COL24A1: variants seen among roughly 807,000 people sequenced by gnomAD.
COL24A1 encodes collagen type XXIV alpha 1 chain, also known as collagen alpha-1(XXIV) chain.
A neutral mutation model predicts 253.9 loss-of-function variants in COL24A1; 224 were observed. The observed-to-expected ratio is 0.88, with a 90% CI of 0.79 to 0.99. The LOEUF is 0.99. COL24A1 is among the 50% of genes least tolerant of loss of function. The pLI, the probability that COL24A1 is intolerant of heterozygous loss-of-function variation, is 0.00. For missense variants in COL24A1, 2,131 were observed against 2,068.5 expected (o/e 1.03, Z -0.59); for synonymous variants, 685 against 673.7 (o/e 1.02, Z -0.26).
intron 5 of COL24A1, among the ~76,000 whole-genome samples, chr1:86,097,420 T>TCTC (rs1485691140): frequency 6.7e-6 from 1 of 149,800 alleles, no homozygotes; most frequent in Non-Finnish European, 1.5e-5. Flanking sequence ...TTTTTCTACT[T>TCTC]CTCCTCCTCC....
intron 19 of COL24A1, among the ~76,000 whole-genome samples, chr1:86,012,552 G>A (rs1326287359): frequency 6.6e-6 from 1 of 152,148 alleles, no homozygotes; most frequent in African/African-American, 2.4e-5. Flanking sequence ...TTGCACCACT[G>A]CACTCCAGCC....
chr1:86,068,393 T>A (rs1339280094), intron 7 of COL24A1, among the ~76,000 whole-genome samples: 1 of 152,148 alleles, frequency 6.6e-6, no homozygotes, highest in Non-Finnish European at 1.5e-5. Context: ...TACATTGAAC[T>A]CAGTGCTTCC....
At chr1:86,097,056 T>C (rs1703940582) in intron 5 of COL24A1, among the ~76,000 whole-genome samples, 1 of 152,184 alleles carries the variant, frequency 6.6e-6, no homozygotes, top group Admixed American at 6.5e-5. Flanking sequence ...TTTTCCTGCA[T>C]TATTTTAACT....
intron 51 of COL24A1, among the ~76,000 whole-genome samples, chr1:85,781,935 G>C (rs1669187220): frequency 6.6e-6 from 1 of 152,154 alleles, no homozygotes; most frequent in East Asian, 1.9e-4. Context: ...AATACAAAAT[G>C]CCCATTTTAG....
intron 1 of COL24A1, chr1:86,155,158 G>C (rs72718003): frequency 0.04 from 6,042 of 152,296 alleles, 174 homozygotes; most frequent in Non-Finnish European, 0.067. Flanking sequence ...ACTGTTGCAT[G>C]GGGATGGGGG....
At chr1:86,140,740 T>C (rs547526301) in intron 2 of COL24A1, among the ~76,000 whole-genome samples, 59 of 152,250 alleles carry the variant, frequency 3.9e-4, no homozygotes, top group Middle Eastern at 3.4e-3. Context: ...CTGGCAGCCA[T>C]CCCACCAACA....
chr1:85,945,015 T>TTG (rs1689158751), intron 24 of COL24A1, among the ~76,000 whole-genome samples: 5 of 83,004 alleles, frequency 6.0e-5, no homozygotes, highest in African/African-American at 2.2e-4. Flanking sequence ...TTTTTTTTTT[T>TTG]TTTTTTTTTT....
At chr1:85,956,965 C>T (rs1367519104) in intron 24 of COL24A1, among the ~76,000 whole-genome samples, 1 of 152,020 alleles carries the variant, frequency 6.6e-6, no homozygotes, top group Non-Finnish European at 1.5e-5. Flanking sequence ...TAGAACCAAC[C>T]CAAATGCCCA....
chr1:86,080,558 C>G (rs1485174551), intron 7 of COL24A1, among the ~76,000 whole-genome samples: 1 of 152,006 alleles, frequency 6.6e-6, no homozygotes, highest in African/African-American at 2.4e-5. Context: ...AATATATACA[C>G]TTACTATGTA....
chr1:86,065,041 A>C (rs1701370092), intron 7 of COL24A1, among the ~76,000 whole-genome samples: 1 of 152,184 alleles, frequency 6.6e-6, no homozygotes, highest in African/African-American at 2.4e-5. Context: ...GAGATAAGAA[A>C]CATCCTCAGC....
chr1:85,877,930 G>A (rs1030789783), intron 32 of COL24A1, among the ~76,000 whole-genome samples: 5 of 151,886 alleles, frequency 3.3e-5, no homozygotes, highest in African/African-American at 1.2e-4. Flanking sequence ...TTTACTGACT[G>A]TACAGTTTTA....
intron 19 of COL24A1, among the ~76,000 whole-genome samples, chr1:85,996,637 AAAAAC>A (rs1325339680): frequency 6.6e-6 from 1 of 152,102 alleles, no homozygotes; most frequent in African/African-American, 2.4e-5. Context: ...CTCCATCTCA[AAAAAC>A]AAAACAAAAC....
intron 20 of COL24A1, among the ~76,000 whole-genome samples, chr1:85,971,956 A>G (rs548774024): frequency 5.9e-5 from 9 of 152,342 alleles, no homozygotes; most frequent in African/African-American, 1.9e-4. Flanking sequence ...AGAAATTTCA[A>G]TACTAAAAAA....
chr1:85,783,895 G>A (rs41331746), intron 50 of COL24A1, among the ~76,000 whole-genome samples: 18,805 of 152,006 alleles, frequency 0.12, 1,203 homozygotes, highest in Middle Eastern at 0.17. Context: ...CTTGGGAAAA[G>A]GGATGAAAGA....
intron 5 of COL24A1, among the ~76,000 whole-genome samples, chr1:86,109,744 T>C (rs913457098): frequency 1.3e-5 from 2 of 152,234 alleles, no homozygotes; most frequent in African/African-American, 4.8e-5. Context: ...ACCTCTGTCA[T>C]CACTCATATG....
intron 51 of COL24A1, among the ~76,000 whole-genome samples, chr1:85,783,239 C>G (rs952873732): frequency 2.0e-5 from 3 of 151,446 alleles, no homozygotes; most frequent in Admixed American, 6.6e-5. Context: ...ATACATTATC[C>G]AGTCTTCACA....
chr1:85,904,774 T>G (rs1684644654), intron 28 of COL24A1, among the ~76,000 whole-genome samples: 1 of 152,056 alleles, frequency 6.6e-6, no homozygotes, highest in Non-Finnish European at 1.5e-5. Context: ...TTGTTTGGGG[T>G]TTTCCTGTCC....
chr1:85,987,733 A>G, intron 19 of COL24A1, 79 bp from the exon 20 acceptor site: 2 of 1,195,764 alleles, frequency 1.7e-6, no homozygotes, highest in Non-Finnish European at 2.4e-6. Flanking sequence ...TCCCTTTGCT[A>G]TTCCTCCATA....
intron 47 of COL24A1, among the ~76,000 whole-genome samples, chr1:85,811,266 T>C (rs1376186777): frequency 6.6e-6 from 1 of 152,208 alleles, no homozygotes; most frequent in East Asian, 1.9e-4. Flanking sequence ...TTATGCATAA[T>C]GCTGCTACGA....
Sources: allele counts gnomAD v4.1 joint callset (sites outside exome capture counted in the v4.1 genomes callset), GRCh38; gene constraint gnomAD v4.1.1; transcripts MANE v1.5; gene names NCBI Gene and HGNC (gene_info 2026-07-23, HGNC 2026-07-21).